HEXD: variants seen among roughly 807,000 people sequenced by gnomAD.
HEXD encodes hexosaminidase D.
A neutral mutation model predicts 54.2 loss-of-function variants in HEXD; 47 were observed. That is an observed-to-expected ratio of 0.87 (90% CI 0.69 to 1.11). HEXD has a LOEUF of 1.11. Among genes scored for constraint, HEXD ranks in the 50% least tolerant of loss-of-function variants. The pLI is 0.00. For synonymous variants in HEXD, 293 were observed against 287.6 expected (o/e 1.02, Z -0.19); for missense variants, 576 against 649.2 (o/e 0.89, Z 1.23).
intron 8 of HEXD, 43 bp downstream of exon 8, chr17:82,437,406 C>G (rs771265985): frequency 6.7e-7 from 1 of 1,486,340 alleles, no homozygotes; most frequent in Admixed American, 2.1e-5. Flanking sequence ...CAGGGCAGCT[C>G]TGGTGGCCAC....
In HEXD at chr17:82,440,973, C is replaced by T. The variant is rs376990349; in HGVS notation, c.983-24C>T. On this transcript the variant is annotated intron_variant, in intron 9 of 12. Coordinates refer to ENST00000327949, the MANE Select transcript of HEXD (RefSeq NM_001330542.2). ...CCCCTCCTCCAGAGGCCCCTCCAAC[C>T]GCCCCGCTCATTTGTGATTTCAGGA... 53 of 1,612,968 alleles carry T rather than the reference C, an allele frequency of 3.3e-5. No homozygotes were observed. The Middle Eastern group carries it at 9.9e-4, about 30-fold the overall frequency.
intron 3 of HEXD, among the ~76,000 whole-genome samples, chr17:82,424,820 GACT>G (rs1234908848): frequency 1.8e-4 from 27 of 152,366 alleles, no homozygotes; most frequent in South Asian, 4.1e-4. Flanking sequence ...GAGAAGGCTG[GACT>G]ACAGAAGGTT....
rs1305281335 is a variant in HEXD, at chr17:82,437,265, T to C, written c.801T>C (p.Pro267=). ...CGGGGCCCAGCCAGGCCGTGCCCCC[T>C]GTTGAGCACCACCTCAGGAACCACG... ...GATGPSQAVP[P]VEHHLRNHVQ... The change falls in exon 8 of 13, where the codon CCT becomes CCC. Residue 267 remains proline (P), a synonymous_variant. Coordinates refer to ENST00000327949, the MANE Select transcript of HEXD (RefSeq NM_001330542.2). 17 of 1,612,172 alleles carry C rather than the reference T, an allele frequency of 1.1e-5. No homozygotes were observed. The highest frequency in any genetic ancestry group is 1.4e-5 in the Non-Finnish European group (17 of 1,179,538).
At chr17:82,422,652 A>G (rs2053269940) in intron 2 of HEXD, among the ~76,000 whole-genome samples, 1 of 152,268 alleles carries the variant, frequency 6.6e-6, no homozygotes, top group Admixed American at 6.5e-5. Context: ...TGGAAAGTGC[A>G]GTATTTGGAA....
Position 82,441,022 on chromosome 17 carries a change from G to T in HEXD, c.1008G>T (p.Ala336=), listed in dbSNP as rs574960397. 6.2e-7 allele frequency: 1 copy of T among 1,613,462 alleles called. No homozygotes were observed. Among genetic ancestry groups the T allele is most frequent in the African/African-American group, 1.3e-5 (1 of 74,908 alleles). The change falls in exon 10 of 13, where the codon GCG becomes GCT. Residue 336 remains alanine, a synonymous_variant. Transcript: ENST00000327949. ...LRGGFDEDVK[A]KVENLLGISS... is the part of the protein sequence containing the mutation. ...GAGGATTTGATGAAGATGTTAAAGC[G>T]AAAGTGGAGAACCTTCTCGGGATTT...
chr17:82,428,005 G>A (rs1162057241), intron 3 of HEXD: 1 of 152,068 alleles, frequency 6.6e-6, no homozygotes, highest in East Asian at 1.9e-4. Context: ...TTTTTTTTGA[G>A]ACAGAGTCTT....
intron 9 of HEXD, chr17:82,440,045 C>G: frequency 7.6e-7 from 1 of 1,314,174 alleles, no homozygotes; most frequent in Non-Finnish European, 1.0e-6. Flanking sequence ...CCCACCTGGC[C>G]GAGCAGGTGT....
intron 4 of HEXD, among the ~76,000 whole-genome samples, chr17:82,430,032 A>G (rs2053532972): frequency 6.6e-6 from 1 of 151,968 alleles, no homozygotes; most frequent in Admixed American, 6.6e-5. Context: ...GCCCTGACCC[A>G]TGTTGGTCCT....
At chr17:82,435,409 C>T (rs1307019583) in intron 5 of HEXD, among the ~76,000 whole-genome samples, 3 of 152,228 alleles carry the variant, frequency 2.0e-5, no homozygotes, top group Non-Finnish European at 4.4e-5. Flanking sequence ...GGATGCTGCC[C>T]TATGCTGGTC....
At chr17:82,439,343 A>C in intron 8 of HEXD, 2 of 776,432 alleles carry the variant, frequency 2.6e-6, no homozygotes, top group Non-Finnish European at 3.1e-6. Context: ...ACGACCGGCC[A>C]CCCACCCAAG....
At chr17:82,435,983 G>A (rs537252727) in intron 6 of HEXD, 111 bp downstream of exon 6, 24 of 1,023,640 alleles carry the variant, frequency 2.3e-5, no homozygotes, top group South Asian at 1.9e-4. Flanking sequence ...CCCCAGCCCC[G>A]CACAGACCCG....
At chr17:82,438,743 C>A (rs1048122431) in intron 8 of HEXD, among the ~76,000 whole-genome samples, 1 of 152,216 alleles carries the variant, frequency 6.6e-6, no homozygotes, top group African/African-American at 2.4e-5. Flanking sequence ...TGGTGGGGAC[C>A]GCAGAGCCTG....
intron 4 of HEXD, among the ~76,000 whole-genome samples, chr17:82,431,945 G>T (rs1384748209): frequency 1.3e-5 from 2 of 152,168 alleles, no homozygotes; most frequent in African/African-American, 4.8e-5. Flanking sequence ...TTGTTTTCTA[G>T]CAAATGGCCT....
rs2053942693 is a variant in HEXD at position 82,441,281 on chromosome 17, T to TAGGGGCAGGTGTGGGTGAG, written c.1163+16_1163+34dup. On this transcript the variant is annotated intron_variant, in intron 11 of 12. Transcript: ENST00000327949. ...GAGGGCAACAGGTGAGCGTGTGGGT[T>TAGGGGCAGGTGTGGGTGAG]AGGGGCAGGTGTGGGTGAGGGGGGC... The TAGGGGCAGGTGTGGGTGAG allele has an allele frequency of 1.3e-6, 2 of 1,595,330 alleles. No homozygotes were observed. Among genetic ancestry groups the TAGGGGCAGGTGTGGGTGAG allele is most frequent in the Non-Finnish European group, 1.7e-6 (2 of 1,173,254 alleles).
intron 4 of HEXD, among the ~76,000 whole-genome samples, chr17:82,432,886 A>AT (rs1443810418): frequency 1.3e-5 from 2 of 148,950 alleles, no homozygotes; most frequent in East Asian, 2.0e-4. Flanking sequence ...ACACGGTGAA[A>AT]CCCCGTCTCT....
rs533229871 is a variant in HEXD at position 82,424,845 on chromosome 17, G to A, written c.194+342G>A. On this transcript the variant is annotated intron_variant, in intron 3 of 12. Coordinates refer to ENST00000327949, the MANE Select transcript of HEXD (RefSeq NM_001330542.2). The stretch of plus-strand genomic sequence containing the variant: ...GACTACAGAAGGTTAGAGAAGGTTA[G>A]AGAAGGTTAGAGAAGGCCAGAGAAG... 9.8e-5 allele frequency among the ~76,000 whole-genome samples: 15 copies of A among 152,324 alleles called. No individual in the cohort carries two copies. In the East Asian group the frequency reaches 2.9e-3, roughly 29 times the overall value.
chr17:82,432,799 C>G lies in HEXD; in HGVS notation c.283-859C>G, dbSNP rs573694008. Reference sequence around the variant, plus strand: ...AAATTTATGGCTGGGTGCAGTGGCTCACGCCTGTAATCCCAGCACTTTGGG... The same window carrying G: ...AAATTTATGGCTGGGTGCAGTGGCTGACGCCTGTAATCCCAGCACTTTGGG... On this transcript the variant is annotated intron_variant, in intron 4 of 12. Coordinates refer to ENST00000327949, the MANE Select transcript of HEXD (RefSeq NM_001330542.2). Among the ~76,000 whole-genome samples, 23 of 151,894 alleles carry G rather than the reference C, an allele frequency of 1.5e-4. No homozygotes were observed. The South Asian group carries it at 4.8e-3, about 32-fold the overall frequency.
intron 3 of HEXD, chr17:82,428,207 A>C (rs1444055967): frequency 5.9e-6 from 1 of 170,236 alleles, no homozygotes; most frequent in Non-Finnish European, 1.3e-5. Flanking sequence ...CTGGTCTCGA[A>C]CTCCTGACCT....
At chr17:82,437,075 C>A in intron 7 of HEXD, 93 bp from the exon 8 acceptor site, 1 of 1,150,154 alleles carries the variant, frequency 8.7e-7, no homozygotes, top group Non-Finnish European at 1.3e-6. Context: ...AGGCGGCTCC[C>A]ATGTTGGCTC....
Sources: gnomAD v4.1 joint callset for allele counts (sites outside exome capture counted in the v4.1 genomes callset) on GRCh38, gnomAD v4.1.1 for gene constraint, MANE v1.5 for transcripts, NCBI Gene and HGNC (gene_info 2026-07-23, HGNC 2026-07-21) for gene names.